AKR1B1: variants seen among roughly 807,000 people sequenced by gnomAD.
AKR1B1 encodes the protein aldo-keto reductase family 1 member B1.
Under a neutral mutation model 40.4 loss-of-function variants are expected in AKR1B1, and 22 were observed. That is an observed-to-expected ratio of 0.54 (90% CI 0.39 to 0.78). AKR1B1 has a LOEUF of 0.78. Among genes scored for constraint, AKR1B1 ranks in the 30% least tolerant of loss-of-function variants. AKR1B1 has a pLI of 0.00. For synonymous variants in AKR1B1, 157 were observed against 149.9 expected (o/e 1.05, Z -0.35); for missense variants, 357 against 396.7 (o/e 0.90, Z 0.85).
In AKR1B1 at chr7:134,458,972, G is replaced by A. The variant is rs575169394; in HGVS notation, c.66+25C>T. 9.4e-6 allele frequency: 15 copies of A among 1,597,868 alleles called. No individual in the cohort carries two copies. In the South Asian group the frequency reaches 1.2e-4, roughly 13 times the overall value. On this transcript the variant is annotated intron_variant, in intron 1 of 9. Coordinates refer to ENST00000285930, the MANE Select transcript of AKR1B1 (RefSeq NM_001628.4). ...CGCGGAGAGTGTGAGGCGAGCCCCG[G>A]GCCCGCGCCCCCACGAGCACCTACC...
chr7:134,442,463 T>A lies in AKR1B1; in HGVS notation c.*265A>T, dbSNP rs1270402277. ...GTGGCACTATTTTGACCTGGTAGAT[T>A]TTGCTTCTCTTTGGTCAGAAAAGGG... On this transcript the variant is annotated 3_prime_UTR_variant, in exon 10 of 10. Coordinates refer to ENST00000285930, the MANE Select transcript of AKR1B1 (RefSeq NM_001628.4). The A allele has an allele frequency of 2.5e-6, 1 of 396,348 alleles. No individual in the cohort carries two copies. The highest frequency in any genetic ancestry group is 4.6e-6 in the Non-Finnish European group (1 of 218,458). 24.6% of individuals were successfully genotyped at this position (396,348 alleles called of 1,614,324 possible). A position where few individuals can be genotyped will look rare whatever the true frequency, so the allele number is the denominator to read the frequency against.
At chr7:134,458,867 C>A (rs928657222) in intron 1 of AKR1B1, 130 bp downstream of exon 1, 2 of 1,100,424 alleles carry the variant, frequency 1.8e-6, no homozygotes, top group Admixed American at 2.0e-5. Context: ...CCTGCAAGCC[C>A]GCGCGTGGCT....
Position 134,448,136 on chromosome 7 carries a change from C to T in AKR1B1, c.660-75G>A, listed in dbSNP as rs1806161715. 11 of 1,278,180 alleles carry T rather than the reference C, an allele frequency of 8.6e-6. No homozygotes were observed. In the East Asian group the frequency reaches 2.4e-4, roughly 28 times the overall value. The allele number at this position is 1,278,180 out of a possible 1,614,324, so 79.2% of individuals were successfully genotyped here. On this transcript the variant is annotated intron_variant, in intron 6 of 9. Transcript: ENST00000285930. ...AGCAGCCAGAAACCCCAACCCTAAT[C>T]CTCCCATCGACCTCAGAGGGCAGCC... is the stretch of plus-strand genomic sequence containing the variant.
chr7:134,447,509 A>G (rs1562906356), intron 7 of AKR1B1, 128 bp from the exon 8 acceptor site: 2 of 828,564 alleles, frequency 2.4e-6, no homozygotes, highest in East Asian at 5.1e-5. Flanking sequence ...GAGGGGCTCC[A>G]AGATGTCAGG....
chr7:134,446,867 T>C (rs1017681207), intron 8 of AKR1B1, among the ~76,000 whole-genome samples: 5 of 152,252 alleles, frequency 3.3e-5, no homozygotes, highest in South Asian at 2.1e-4. Context: ...ATGCATCACT[T>C]AATCTTCGTA....
intron 1 of AKR1B1, among the ~76,000 whole-genome samples, chr7:134,458,569 C>A (rs1373117710): frequency 6.6e-6 from 1 of 152,176 alleles, no homozygotes; most frequent in Non-Finnish European, 1.5e-5. Context: ...GCTGGGTCTG[C>A]GCTCCCACAC....
At chr7:134,448,126 C>T (rs1244914227) in intron 6 of AKR1B1, 65 bp from the exon 7 acceptor site, 2 of 1,359,002 alleles carry the variant, frequency 1.5e-6, no homozygotes, top group Admixed American at 3.8e-5. Flanking sequence ...CCAGAAACCC[C>T]AACCCTAATC....
chr7:134,447,147 G>C (rs1806123127), intron 8 of AKR1B1, 151 bp downstream of exon 8: 2 of 752,408 alleles, frequency 2.7e-6, no homozygotes, highest in Non-Finnish European at 4.6e-6. Flanking sequence ...TGAGGTGTCA[G>C]TCTCAGTCTT....
rs1320697839 is a variant in AKR1B1, at chr7:134,448,591, A to G, written c.553-98T>C. 5 of 893,218 alleles carry G rather than the reference A, an allele frequency of 5.6e-6. No individual in the cohort carries two copies. The East Asian group carries it at 7.3e-5, about 13-fold the overall frequency. The allele number at this position is 893,218 out of a possible 1,614,324, so 55.3% of individuals were successfully genotyped here. A position where few individuals can be genotyped will look rare whatever the true frequency, so the allele number is the denominator to read the frequency against. ...ATGCTAAAGTCCCTCCCTACCCCATACAGAAAACTATGTATAACAAACACC... is the reference window on the plus strand; with the variant it reads ...ATGCTAAAGTCCCTCCCTACCCCATGCAGAAAACTATGTATAACAAACACC... On this transcript the variant is annotated intron_variant, in intron 5 of 9. Coordinates refer to ENST00000285930, the MANE Select transcript of AKR1B1 (RefSeq NM_001628.4).
chr7:134,448,145 G>A (rs368532838), intron 6 of AKR1B1, 84 bp from the exon 7 acceptor site: 52 of 1,180,442 alleles, frequency 4.4e-5, no homozygotes, highest in African/African-American at 3.2e-4. Context: ...TCCTCCCATC[G>A]ACCTCAGAGG....
At chr7:134,458,098 C>G (rs1447454778) in intron 1 of AKR1B1, among the ~76,000 whole-genome samples, 2 of 152,198 alleles carry the variant, frequency 1.3e-5, no homozygotes, top group Non-Finnish European at 2.9e-5. Context: ...GGTTTTGCCT[C>G]AGCTCCCATA....
intron 9 of AKR1B1, chr7:134,444,811 G>C (rs1343070880): frequency 3.4e-6 from 1 of 294,736 alleles, no homozygotes; most frequent in East Asian, 8.1e-5. Flanking sequence ...TACCAGGTCA[G>C]AGCCGGGACT....
chr7:134,451,689 T>G lies in AKR1B1; in HGVS notation c.131A>C (p.Asp44Ala), dbSNP rs1485185263. The G allele has an allele frequency of 6.2e-7, 1 of 1,614,006 alleles. No homozygotes were observed. Among genetic ancestry groups the G allele is most frequent in the African/African-American group, 1.3e-5 (1 of 74,886 alleles). ...CTCATTCTGGTACACATGGGCACAG[T>G]CGATGTGGCGGTACCCGACGTCAAT... ...VAIDVGYRHIDCAHVYQNENE... is the reference protein window; with the variant it reads ...VAIDVGYRHIACAHVYQNENE... Residue 44 changes from aspartate (D) to alanine (A), a missense_variant, in exon 2 of 10, where the codon GAC becomes GCC. By Grantham distance (126) the Asp-to-Ala change is moderately radical. Transcript: ENST00000285930.
chr7:134,451,186 G>A (rs1212112446), intron 2 of AKR1B1: 2 of 557,186 alleles, frequency 3.6e-6, no homozygotes, highest in Non-Finnish European at 6.5e-6. Flanking sequence ...TTTCCCCCCG[G>A]GCTGGTGTTT....
intron 3 of AKR1B1, among the ~76,000 whole-genome samples, chr7:134,450,416 G>A (rs973527189): frequency 6.6e-6 from 1 of 152,224 alleles, no homozygotes; most frequent in African/African-American, 2.4e-5. Flanking sequence ...GGGGGTTGGT[G>A]TGTGCACGTG....
At chr7:134,448,952 T>TA (rs768726474) in intron 5 of AKR1B1, 45 bp downstream of exon 5, 1 of 1,613,422 alleles carries the variant, frequency 6.2e-7, no homozygotes, top group South Asian at 1.1e-5. Context: ...CATCAGACAG[T>TA]AAAACAGCAA....
chr7:134,455,978 A>G (rs973291910), intron 1 of AKR1B1, among the ~76,000 whole-genome samples: 2 of 152,294 alleles, frequency 1.3e-5, no homozygotes, highest in Non-Finnish European at 2.9e-5. Context: ...TCACCTGAGA[A>G]GAGAATGGAG....
chr7:134,456,640 C>T (rs1328181508), intron 1 of AKR1B1, among the ~76,000 whole-genome samples: 1 of 152,132 alleles, frequency 6.6e-6, no homozygotes, highest in Admixed American at 6.5e-5. Context: ...CACAGGAATA[C>T]AAGTGGGCGT....
chr7:134,454,988 G>T (rs565330873), intron 1 of AKR1B1, among the ~76,000 whole-genome samples: 1 of 152,128 alleles, frequency 6.6e-6, no homozygotes, highest in African/African-American at 2.4e-5. Context: ...GAAGAGATGG[G>T]GGCTTTAGAG....
Sources: allele counts gnomAD v4.1 joint callset (sites outside exome capture counted in the v4.1 genomes callset), GRCh38; gene constraint gnomAD v4.1.1; transcripts MANE v1.5; gene names NCBI Gene and HGNC (gene_info 2026-07-23, HGNC 2026-07-21).